Variants in PLEKHH2 observed in about 807,000 individuals in gnomAD.
PLEKHH2 encodes the protein pleckstrin homology, MyTH4 and FERM domain containing H2.
A neutral mutation model predicts 187.9 loss-of-function variants in PLEKHH2; 129 were observed. The ratio of observed to expected loss-of-function variants is 0.69; its 90% confidence interval spans 0.59 to 0.79. The LOEUF (loss-of-function observed/expected upper bound fraction) is 0.79. Ranked by LOEUF, PLEKHH2 falls within the 30% of genes least tolerant of loss-of-function variation. PLEKHH2 has a pLI of 0.00. For missense variants in PLEKHH2, 2,076 were observed against 1,751.2 expected (o/e 1.19, Z -3.31); for synonymous variants, 686 against 605.6 (o/e 1.13, Z -1.95).
intron 15 of PLEKHH2, among the ~76,000 whole-genome samples, chr2:43,717,966 T>A (rs995285199): frequency 2.6e-5 from 4 of 152,088 alleles, no homozygotes; most frequent in Non-Finnish European, 2.9e-5. Context: ...GGTGGCAGGA[T>A]TTGTGGTGGA....
chr2:43,714,628 G>T (rs924049014), intron 15 of PLEKHH2, among the ~76,000 whole-genome samples: 6 of 152,130 alleles, frequency 3.9e-5, no homozygotes, highest in African/African-American at 1.4e-4. Flanking sequence ...TTTGATTCTA[G>T]ACAGTCACTC....
chr2:43,742,823 T>G lies in PLEKHH2; in HGVS notation c.3304T>G (p.Ser1102Ala), dbSNP rs1671630995. Residue 1102 changes from serine to alanine, a missense_variant, in exon 22 of 30, where the codon TCA (serine) becomes GCA (alanine). Transcript: ENST00000282406. ...AAATGGTGACAGAGAAGCAAGACCC[T>G]CAAGGATGGAAATTCTTTCAACTCT... ...QQNGDREARP[S>A]RMEILSTLLR... 6.2e-7 allele frequency: 1 copy of G among 1,608,728 alleles called. No homozygotes were observed. The highest frequency in any genetic ancestry group is 8.5e-7 in the Non-Finnish European group (1 of 1,177,962).
At chr2:43,694,920 C>T (rs555502420) in intron 5 of PLEKHH2, among the ~76,000 whole-genome samples, 6 of 152,140 alleles carry the variant, frequency 3.9e-5, no homozygotes, top group African/African-American at 1.4e-4. Flanking sequence ...GGGGTGAAAA[C>T]ATTTAAAACT....
chr2:43,745,883 C>A lies in PLEKHH2; in HGVS notation c.3573C>A (p.Ser1191=). ...CTTTCTAGATTTGTGACATTATTTC[C>A]AAATGGGAACAGGCTTCCAAAGAAC... The part of the protein sequence containing the change: ...QGNIKICDII[S]KWEQASKEQQ... Residue 1191 remains serine, a synonymous_variant, in exon 24 of 30, where the codon TCC becomes TCA. Coordinates refer to ENST00000282406, the MANE Select transcript of PLEKHH2 (RefSeq NM_172069.4). The A allele has an allele frequency of 6.2e-7, 1 of 1,609,600 alleles. No homozygotes were observed. The highest frequency in any genetic ancestry group is 8.5e-7 in the Non-Finnish European group (1 of 1,177,262).
intron 9 of PLEKHH2, among the ~76,000 whole-genome samples, chr2:43,704,338 A>G (rs111894886): frequency 9.7e-4 from 147 of 152,240 alleles, no homozygotes; most frequent in African/African-American, 3.4e-3. Context: ...GTGTGAATAC[A>G]CTTAACATTA....
At chr2:43,740,771 A>T in intron 20 of PLEKHH2, 175 bp from the exon 21 acceptor site, 2 of 1,191,618 alleles carry the variant, frequency 1.7e-6, no homozygotes, top group Non-Finnish European at 2.1e-6. Flanking sequence ...ATCTGACCCA[A>T]TGTAGAGTTT....
chr2:43,655,785 C>G (rs1034937153), intron 2 of PLEKHH2, among the ~76,000 whole-genome samples: 3 of 152,074 alleles, frequency 2.0e-5, no homozygotes, highest in Non-Finnish European at 4.4e-5. Context: ...TAATTCAGCC[C>G]TCAACAGCTC....
chr2:43,750,480 CA>C (rs755499136), intron 24 of PLEKHH2, among the ~76,000 whole-genome samples: 1,965 of 132,810 alleles, frequency 0.015, 41 homozygotes, highest in African/African-American at 0.044. Flanking sequence ...GACTCTGTCT[CA>C]AAAAAAAAAA....
In PLEKHH2 at chr2:43,757,237, G is replaced by C. The variant is rs759576777; in HGVS notation, c.3914G>C (p.Arg1305Thr). Residue 1305 changes from arginine (R) to threonine (T), a missense_variant, in exon 26 of 30, where the codon AGA becomes ACA. By Grantham distance (71) the Arg-to-Thr change is moderately conservative. Transcript: ENST00000282406. Reference sequence around the variant, plus strand: ...GAGAAATTTTATCCTAAAAGGTATAGAGATGGCTGTTCTGAAGAGCAGTTA... The same window carrying C: ...GAGAAATTTTATCCTAAAAGGTATACAGATGGCTGTTCTGAAGAGCAGTTA... ...VIEKFYPKRYRDGCSEEQLRQ... is the reference protein window; with the variant it reads ...VIEKFYPKRYTDGCSEEQLRQ... The C allele has an allele frequency of 8.8e-6, 14 of 1,591,190 alleles. No individual in the cohort carries two copies. The African/African-American group carries it at 1.4e-4, about 15-fold the overall frequency.
intron 15 of PLEKHH2, among the ~76,000 whole-genome samples, chr2:43,713,107 C>G (rs1371688943): frequency 6.6e-6 from 1 of 152,100 alleles, no homozygotes; most frequent in Non-Finnish European, 1.5e-5. Flanking sequence ...TCAACACACA[C>G]ACACACACAC....
Position 43,753,642 on chromosome 2 carries a change from G to T in PLEKHH2, c.3677G>T (p.Arg1226Leu). ...KNRLYFSVQA[R>L]GETDREKLLL... ...AGACTATATTTCTCAGTGCAAGCTC[G>T]TGGAGAGACTGATAGAGAAAAGTTG... Residue 1226 changes from arginine to leucine, a missense_variant, in exon 25 of 30, where the codon CGT becomes CTT. Coordinates refer to ENST00000282406, the MANE Select transcript of PLEKHH2 (RefSeq NM_172069.4). 1.9e-6 allele frequency: 3 copies of T among 1,554,266 alleles called. No homozygotes were observed. The highest frequency in any genetic ancestry group is 1.3e-5 in the South Asian group (1 of 78,742).
intron 16 of PLEKHH2, among the ~76,000 whole-genome samples, chr2:43,721,557 A>G (rs1382816057): frequency 2.6e-5 from 4 of 152,138 alleles, no homozygotes; most frequent in Admixed American, 6.5e-5. Context: ...AGTGTTGCTA[A>G]TGGGGTAGAG....
intron 19 of PLEKHH2, among the ~76,000 whole-genome samples, chr2:43,737,906 T>A (rs1334440581): frequency 6.6e-6 from 1 of 152,142 alleles, no homozygotes; most frequent in African/African-American, 2.4e-5. Context: ...ACACTTCACA[T>A]GTTCAGGAAG....
intron 2 of PLEKHH2, chr2:43,676,425 A>C: frequency 1.2e-6 from 1 of 830,190 alleles, no homozygotes; most frequent in Admixed American, 3.2e-5. Flanking sequence ...CGGTTGGGCC[A>C]CTCTAGCTGC....
intron 2 of PLEKHH2, among the ~76,000 whole-genome samples, chr2:43,656,337 T>G (rs986411947): frequency 1.3e-5 from 2 of 152,326 alleles, no homozygotes; most frequent in African/African-American, 2.4e-5. Flanking sequence ...TGGTATATGT[T>G]TATACAGTTT....
rs1313914059 is a variant in PLEKHH2 at position 43,637,278 on chromosome 2, C to G, written c.-105C>G. ...TGCCCTTCCCCGCCCTCTCCGAGCT[C>G]GGCTTGAGGCGGGCGCGGGCTGAGA... On this transcript the variant is annotated 5_prime_UTR_variant, in exon 1 of 30. Coordinates refer to ENST00000282406, the MANE Select transcript of PLEKHH2 (RefSeq NM_172069.4). The G allele has an allele frequency of 6.6e-6, 1 of 152,342 alleles. No individual in the cohort carries two copies. Among genetic ancestry groups the G allele is most frequent in the Non-Finnish European group, 1.5e-5 (1 of 68,122 alleles). 9.4% of individuals were successfully genotyped at this position (152,342 alleles called of 1,614,324 possible).
At chr2:43,765,368 T>C in intron 29 of PLEKHH2, 45 bp from the exon 30 acceptor site, 1 of 1,580,708 alleles carries the variant, frequency 6.3e-7, no homozygotes, top group East Asian at 2.2e-5. Flanking sequence ...CTGGAAGTGA[T>C]GAGAACTTCT....
intron 5 of PLEKHH2, 42 bp from the exon 6 acceptor site, chr2:43,695,101 A>G (rs1470340084): frequency 1.9e-6 from 2 of 1,077,264 alleles, no homozygotes; most frequent in African/African-American, 1.6e-5. Context: ...CATTTTTATA[A>G]TATTATCTCT....
chr2:43,746,241 C>G (rs779764273), intron 24 of PLEKHH2, among the ~76,000 whole-genome samples: 1 of 152,190 alleles, frequency 6.6e-6, no homozygotes, highest in Non-Finnish European at 1.5e-5. Flanking sequence ...CGGTGGCTCA[C>G]GCCTATAATC....
Sources: allele counts gnomAD v4.1 joint callset (sites outside exome capture counted in the v4.1 genomes callset), GRCh38; gene constraint gnomAD v4.1.1; transcripts MANE v1.5; gene names NCBI Gene and HGNC (gene_info 2026-07-23, HGNC 2026-07-21).